B4GALNT4: variants seen among roughly 807,000 people sequenced by gnomAD.
The protein encoded by B4GALNT4 is beta-1,4-N-acetyl-galactosaminyltransferase 4, also known as N-acetyl-beta-glucosaminyl-glycoprotein 4-beta-N-acetylgalactosaminyltransferase 1.
A neutral mutation model predicts 110.0 loss-of-function variants in B4GALNT4; 77 were observed. That is an observed-to-expected ratio of 0.70 (90% CI 0.58 to 0.85). The LOEUF is 0.85. Among genes scored for constraint, B4GALNT4 ranks in the 40% least tolerant of loss-of-function variants. The pLI is 0.00. For missense variants in B4GALNT4, 1,575 were observed against 1,506.0 expected (o/e 1.05, Z -0.76); for synonymous variants, 785 against 655.5 (o/e 1.20, Z -3.02).
intron 8 of B4GALNT4, among the ~76,000 whole-genome samples, chr11:374,673 CG>C (rs1342308620): frequency 3.6e-4 from 2 of 5,620 alleles, no homozygotes; most frequent in East Asian, 4.4e-3. Flanking sequence ...TGAGGCGGGG[CG>C]GGGGGGCCTC....
intron 6 of B4GALNT4, 32 bp from the exon 7 acceptor site, chr11:373,417 C>T (rs765594504): frequency 8.2e-6 from 10 of 1,225,668 alleles, no homozygotes; most frequent in South Asian, 3.8e-5. Context: ...AACCCCCCCC[C>T]CCACCACCAC....
intron 18 of B4GALNT4, 22 bp downstream of exon 18, chr11:380,467 C>T (rs1045130926): frequency 1.3e-6 from 2 of 1,567,226 alleles, no homozygotes; most frequent in Non-Finnish European, 8.6e-7. Flanking sequence ...AGCGTCCCAC[C>T]CTGTGATACC....
At position 376,571 on chromosome 11, in the gene B4GALNT4, G is replaced by C. The variant is rs558666429; in HGVS notation, c.1448G>C (p.Arg483Pro). The C allele has an allele frequency of 6.1e-4, 691 of 1,131,902 alleles. 4 individuals carry two copies. In the African/African-American group the frequency reaches 0.013, roughly 22 times the overall value. The allele number at this position is 1,131,902 out of a possible 1,614,324, so 70.1% of individuals were successfully genotyped here. ...TLAPPTPPRP[R>P]DGGTPRHSRA... Reference sequence around the variant, plus strand: ...GCCCCGCCGACCCCTCCCCGCCCCCGGGACGGGGGGACCCCCAGGCACTCC... The same window carrying C: ...GCCCCGCCGACCCCTCCCCGCCCCCCGGACGGGGGGACCCCCAGGCACTCC... The change falls in exon 14 of 20, where the codon CGG (arginine) becomes CCG (proline). Residue 483 changes from arginine to proline, a missense_variant. Arg to Pro is a moderately radical substitution (Grantham distance 103). Transcript: ENST00000329962.
In B4GALNT4 at chr11:380,438, C is replaced by T. The variant is rs774837824; in HGVS notation, c.2862C>T (p.Asp954=). ...TGAGCTGCGGGAGCTCGCCCCGGGA[C>T]CCCCACGGTGAGGCCCCGAGCGTCC... ...MRLSCGSSPR[D]PHGYWEVNGF... is the part of the protein sequence containing the mutation. Residue 954 remains aspartate, a synonymous_variant, in exon 18 of 20, where the codon GAC becomes GAT. Transcript: ENST00000329962. The T allele has an allele frequency of 3.8e-6, 6 of 1,599,388 alleles. No individual in the cohort carries two copies. The highest frequency in any genetic ancestry group is 2.3e-5 in the East Asian group (1 of 43,824).
In B4GALNT4 at chr11:376,057, G is replaced by GGCCCCCC; in HGVS notation, c.1096-17_1096-16insGCCCCCC. ...GGGAGGTCCGCGCCCTGAGCCCTGC[G>GGCCCCCC]CCCCCCCACCCCCCAGGTGTACCTG... is the stretch of plus-strand genomic sequence containing the variant. On this transcript the variant is annotated splice_polypyrimidine_tract_variant and intron_variant, in intron 11 of 19. Coordinates refer to ENST00000329962, the MANE Select transcript of B4GALNT4 (RefSeq NM_178537.5). The GGCCCCCC allele has an allele frequency of 6.3e-7, 1 of 1,579,362 alleles. No homozygotes were observed. The highest frequency in any genetic ancestry group is 8.7e-7 in the Non-Finnish European group (1 of 1,150,864).
At position 381,968 on chromosome 11, in the gene B4GALNT4, A is replaced by G; in HGVS notation, c.*176A>G. 1 of 699,998 alleles carries G rather than the reference A, an allele frequency of 1.4e-6. No homozygotes were observed. Among genetic ancestry groups the G allele is most frequent in the Non-Finnish European group, 2.1e-6 (1 of 473,538 alleles). 43.4% of individuals were successfully genotyped at this position (699,998 alleles called of 1,614,324 possible). A position where few individuals can be genotyped will look rare whatever the true frequency, so the allele number is the denominator to read the frequency against. On this transcript the variant is annotated 3_prime_UTR_variant, in exon 20 of 20. Transcript: ENST00000329962. Reference sequence around the variant, plus strand: ...GCCCCTCCCCGGAGAGGCAGCCTTCACGGCGGGTCAGGGCCTGGCCTTGGT... The same window carrying G: ...GCCCCTCCCCGGAGAGGCAGCCTTCGCGGCGGGTCAGGGCCTGGCCTTGGT...
rs1253084401 is a variant in B4GALNT4, at chr11:373,134, C to T, written c.535+18C>T. 1.9e-6 allele frequency: 3 copies of T among 1,612,476 alleles called. No homozygotes were observed. Among genetic ancestry groups the T allele is most frequent in the East Asian group, 2.2e-5 (1 of 44,870 alleles). The stretch of plus-strand genomic sequence containing the variant: ...GAGGGACGGTACGGGGGTGAGGGTG[C>T]CCCGGGGGAGGGGTGCCGTGAGGCT... On this transcript the variant is annotated intron_variant, in intron 5 of 19. Transcript: ENST00000329962.
In B4GALNT4 at chr11:376,905, G is replaced by T; in HGVS notation, c.1782G>T (p.Gln594His). 1.5e-6 allele frequency: 2 copies of T among 1,365,384 alleles called. No homozygotes were observed. Among genetic ancestry groups the T allele is most frequent in the Admixed American group, 8.2e-5 (2 of 24,344 alleles). 84.6% of individuals were successfully genotyped at this position (1,365,384 alleles called of 1,614,324 possible). A position where few individuals can be genotyped will look rare whatever the true frequency, so the allele number is the denominator to read the frequency against. ...ATQPRPPARA[Q>H]ATQGGREGQA... Reference sequence around the variant, plus strand: ...AGCCGAGGCCCCCAGCCCGGGCGCAGGCCACCCAAGGGGGCCGGGAGGGCC... The same window carrying T: ...AGCCGAGGCCCCCAGCCCGGGCGCATGCCACCCAAGGGGGCCGGGAGGGCC... The change falls in exon 14 of 20, where the codon CAG (glutamine) becomes CAT (histidine). Residue 594 changes from glutamine to histidine, a missense_variant. Physicochemically the swap from Gln to His is conservative, Grantham distance 24 (BLOSUM62 0). Coordinates refer to ENST00000329962, the MANE Select transcript of B4GALNT4 (RefSeq NM_178537.5).
chr11:369,957 A>ACGGCGCGGGGGGCGCGGGGGGCGGGGG lies in B4GALNT4; in HGVS notation c.151+26_151+27insGGGGCGGCGCGGGGGGCGCGGGGGGCG, dbSNP rs1846578830. On this transcript the variant is annotated splice_donor_region_variant and intron_variant, in intron 1 of 19. Transcript: ENST00000329962. ...CCAGCGCCTGGGCTACGGGCGAGGTACGGCGCGGGGGGCGCGGGGGGCGCG... is the reference window on the plus strand; with the variant it reads ...CCAGCGCCTGGGCTACGGGCGAGGTACGGCGCGGGGGGCGCGGGGGGCGGGGGCGGCGCGGGGGGCGCGGGGGGCGCG... 1 of 799,758 alleles carries ACGGCGCGGGGGGCGCGGGGGGCGGGGG rather than the reference A, an allele frequency of 1.3e-6. No individual in the cohort carries two copies. The highest frequency in any genetic ancestry group is 1.8e-4 in the East Asian group (1 of 5,606). The allele number at this position is 799,758 out of a possible 1,614,324, so 49.5% of individuals were successfully genotyped here. A position where few individuals can be genotyped will look rare whatever the true frequency, so the allele number is the denominator to read the frequency against.
chr11:381,210 G>A (rs1466872055), intron 19 of B4GALNT4: 41 of 916,628 alleles, frequency 4.5e-5, no homozygotes, highest in Non-Finnish European at 4.4e-5. Flanking sequence ...GGCCCTGGGT[G>A]GCCCTGAGTC....
chr11:374,501 G>C (rs1034599907), intron 8 of B4GALNT4, among the ~76,000 whole-genome samples: 2 of 146,396 alleles, frequency 1.4e-5, no homozygotes, highest in Non-Finnish European at 3.0e-5. Flanking sequence ...GGAGACAGGG[G>C]TTTGGGGTGG....
intron 8 of B4GALNT4, 24 bp downstream of exon 8, chr11:373,852 G>T (rs1846670591): frequency 1.9e-6 from 3 of 1,607,976 alleles, no homozygotes; most frequent in Admixed American, 1.7e-5. Flanking sequence ...TCCCCTGGGG[G>T]CTTCTGGAGA....
chr11:375,602 G>A (rs1028041424), intron 9 of B4GALNT4, 37 bp from the exon 10 acceptor site: 16 of 1,599,378 alleles, frequency 1.0e-5, no homozygotes, highest in East Asian at 8.9e-5. Context: ...AGTGGAGGAG[G>A]GGGTCTGAGC....
chr11:379,849 C>G lies in B4GALNT4; in HGVS notation c.2489-17C>G, dbSNP rs563575396. ...GTCAGCGTCGGCTCAGCGCCCCCCCCGCCTTTTCTCCTCCAGTGAAAAACC... is the reference window on the plus strand; with the variant it reads ...GTCAGCGTCGGCTCAGCGCCCCCCCGGCCTTTTCTCCTCCAGTGAAAAACC... On this transcript the variant is annotated splice_polypyrimidine_tract_variant and intron_variant, in intron 15 of 19. Coordinates refer to ENST00000329962, the MANE Select transcript of B4GALNT4 (RefSeq NM_178537.5). 6 of 1,579,324 alleles carry G rather than the reference C, an allele frequency of 3.8e-6. No individual in the cohort carries two copies. The highest frequency in any genetic ancestry group is 5.2e-6 in the Non-Finnish European group (6 of 1,163,310).
intron 14 of B4GALNT4, among the ~76,000 whole-genome samples, chr11:377,773 C>T (rs7129699): frequency 0.037 from 5,651 of 152,332 alleles, 340 homozygotes; most frequent in African/African-American, 0.13. Context: ...TGCCCCTGGG[C>T]GTTCCCAGAC....
At position 376,863 on chromosome 11, in the gene B4GALNT4, C is replaced by G. The variant is rs1489149049; in HGVS notation, c.1740C>G (p.Gly580=). The change falls in exon 14 of 20, where the codon GGC becomes GGG. Residue 580 remains glycine, a synonymous_variant. Transcript: ENST00000329962. ...CCCGGCCCCACGGCCGCAGGACCGG[C>G]GGCCCCCAGGCCACACAGCCGAGGC... is the stretch of plus-strand genomic sequence containing the variant. ...RPPRPHGRRT[G]GPQATQPRPP... The G allele has an allele frequency of 3.0e-6, 4 of 1,324,918 alleles. No individual in the cohort carries two copies. The allele number at this position is 1,324,918 out of a possible 1,614,324, so 82.1% of individuals were successfully genotyped here.
intron 14 of B4GALNT4, among the ~76,000 whole-genome samples, chr11:378,127 CAT>C (rs1400285206): frequency 4.0e-4 from 61 of 151,000 alleles, no homozygotes; most frequent in African/African-American, 1.4e-3. Context: ...GACTGTTTCT[CAT>C]GTGTGTGATG....
In B4GALNT4 at chr11:376,727, G is replaced by T; in HGVS notation, c.1604G>T (p.Arg535Leu). The part of the protein sequence containing the change: ...VYVTRVRPGQ[R>L]ASPRAPAPRA... ...GTGACCAGGGTGCGGCCGGGACAGC[G>T]GGCATCCCCCCGGGCCCCAGCGCCG... The change falls in exon 14 of 20, where the codon CGG (arginine) becomes CTG (leucine). Residue 535 changes from arginine (R) to leucine (L), a missense_variant. By Grantham distance (102) the Arg-to-Leu change is moderately radical (BLOSUM62 -2). Coordinates refer to ENST00000329962, the MANE Select transcript of B4GALNT4 (RefSeq NM_178537.5). 7.1e-7 allele frequency: 1 copy of T among 1,403,978 alleles called. No individual in the cohort carries two copies. Among genetic ancestry groups the T allele is most frequent in the South Asian group, 1.4e-5 (1 of 69,408 alleles). The allele number at this position is 1,403,978 out of a possible 1,614,324, so 87.0% of individuals were successfully genotyped here. A position where few individuals can be genotyped will look rare whatever the true frequency, so the allele number is the denominator to read the frequency against.
rs529841698 is a variant in B4GALNT4, at chr11:381,796, C to T, written c.*4C>T. 3.2e-5 allele frequency: 51 copies of T among 1,572,524 alleles called. No individual in the cohort carries two copies. The highest frequency in any genetic ancestry group is 2.5e-4 in the African/African-American group (18 of 71,750). On this transcript the variant is annotated 3_prime_UTR_variant, in exon 20 of 20. Coordinates refer to ENST00000329962, the MANE Select transcript of B4GALNT4 (RefSeq NM_178537.5). ...CTCTCGCACGGGGGCGTCTTGAGGA[C>T]GGGCAGCCCCTCCCAGCCCCGGTGG...
Sources: gnomAD v4.1 joint callset for allele counts (sites outside exome capture counted in the v4.1 genomes callset) on GRCh38, gnomAD v4.1.1 for gene constraint, MANE v1.5 for transcripts, NCBI Gene and HGNC (gene_info 2026-07-23, HGNC 2026-07-21) for gene names.